TRDN: variants seen among roughly 807,000 people sequenced by gnomAD.
TRDN encodes triadin in skeletal muscle.
A neutral mutation model predicts 149.7 loss-of-function variants in TRDN; 161 were observed. The ratio of observed to expected loss-of-function variants is 1.08; its 90% confidence interval spans 0.95 to 1.23. The LOEUF is 1.23. TRDN is among the 50% of genes most tolerant of loss of function. TRDN has a pLI of 0.00. For synonymous variants in TRDN, 294 were observed against 250.5 expected, an observed-to-expected ratio of 1.17 and a Z score of -1.64; for missense variants, 896 against 823.5, an observed-to-expected ratio of 1.09 and a Z score of -1.08.
intron 3 of TRDN, among the ~76,000 whole-genome samples, chr6:123,547,840 A>G (rs959507779): frequency 6.6e-6 from 1 of 151,980 alleles, no homozygotes; most frequent in Non-Finnish European, 1.5e-5. Context: ...TACTCATTCA[A>G]TGGCAGCTTT....
intron 38 of TRDN, among the ~76,000 whole-genome samples, chr6:123,241,901 AC>A (rs1650505123): frequency 6.6e-6 from 1 of 152,272 alleles, no homozygotes; most frequent in Non-Finnish European, 1.5e-5. Context: ...GCAAAGTTAA[AC>A]CTCCGCATAC....
At chr6:123,585,654 G>A (rs999166386) in intron 1 of TRDN, among the ~76,000 whole-genome samples, 1 of 152,174 alleles carries the variant, frequency 6.6e-6, no homozygotes, top group Non-Finnish European at 1.5e-5. Context: ...TGGACAGTCC[G>A]ATTTCCAGTG....
chr6:123,218,753 G>T lies in TRDN; in HGVS notation c.2051-13C>A, dbSNP rs763319003. 6.5e-5 allele frequency: 101 copies of T among 1,556,588 alleles called. No homozygotes were observed. The highest frequency in any genetic ancestry group is 5.0e-4 in the Middle Eastern group (3 of 5,970). The stretch of plus-strand genomic sequence containing the variant: ...AAACTGATGGGACCTAAGGAACAGA[G>T]CATGACAGTTTGTTAAAACATGCAG... On this transcript the variant is annotated splice_polypyrimidine_tract_variant and intron_variant, in intron 40 of 40. Coordinates refer to ENST00000334268, the MANE Select transcript of TRDN (RefSeq NM_006073.4).
intron 5 of TRDN, among the ~76,000 whole-genome samples, chr6:123,521,206 GGTTGAATTGTGTCTCCCCAAAAATATAT>G (rs1447795180): frequency 4.6e-5 from 7 of 151,998 alleles, no homozygotes; most frequent in African/African-American, 1.7e-4. Context: ...TATTGTTATG[GGTTGAATTGTGTCTCCCCAAAAATATAT>G]GTTGAAGTCA....
At chr6:123,497,096 T>G (rs1305306192) in intron 9 of TRDN, 97 bp downstream of exon 9, 15 of 943,136 alleles carry the variant, frequency 1.6e-5, no homozygotes, top group Non-Finnish European at 2.3e-5. Flanking sequence ...ATTATGCAAT[T>G]TTTAAAAAAT....
rs199638054 is a variant in TRDN, at chr6:123,319,222, CT to C, written c.1472-2728del. On this transcript the variant is annotated intron_variant, in intron 23 of 40. Transcript: ENST00000334268. The stretch of plus-strand genomic sequence containing the variant: ...GCATGATCTTTCAAAGTAATTTTCT[CT>C]TTTTTTTTTAAACAGAATTGGGATT... 1.8e-3 allele frequency among the ~76,000 whole-genome samples: 265 copies of C among 148,352 alleles called. 1 individual carries two copies. Among genetic ancestry groups the C allele is most frequent in the African/African-American group, 5.9e-3 (241 of 40,512 alleles).
At chr6:123,548,646 G>C in intron 2 of TRDN, 34 bp from the exon 3 acceptor site, 1 of 1,289,972 alleles carries the variant, frequency 7.8e-7, no homozygotes, top group Non-Finnish European at 1.0e-6. Flanking sequence ...AAAAGAAAAA[G>C]TTTGTGATCA....
chr6:123,610,067 C>G (rs1459157347), intron 1 of TRDN, among the ~76,000 whole-genome samples: 2 of 152,082 alleles, frequency 1.3e-5, no homozygotes, highest in Non-Finnish European at 2.9e-5. Context: ...TCAAAAATAG[C>G]TTTAATTTTC....
intron 12 of TRDN, among the ~76,000 whole-genome samples, chr6:123,405,419 T>C (rs1317289109): frequency 6.6e-6 from 1 of 152,346 alleles, no homozygotes; most frequent in Admixed American, 6.5e-5. Flanking sequence ...AACTAACCCA[T>C]CTGAAGGCAG....
chr6:123,513,466 A>T (rs1274984707), intron 6 of TRDN, among the ~76,000 whole-genome samples: 1 of 152,056 alleles, frequency 6.6e-6, no homozygotes, highest in African/African-American at 2.4e-5. Flanking sequence ...ACATTTAGCT[A>T]CTGTAAAGTT....
intron 2 of TRDN, among the ~76,000 whole-genome samples, chr6:123,559,133 C>G (rs954930013): frequency 1.3e-5 from 2 of 152,366 alleles, no homozygotes; most frequent in African/African-American, 4.8e-5. Flanking sequence ...CCTCAAAAGG[C>G]TCCTGGACCA....
intron 40 of TRDN, among the ~76,000 whole-genome samples, 168 bp downstream of exon 40, chr6:123,221,319 T>C (rs1450833281): frequency 6.6e-6 from 1 of 151,830 alleles, no homozygotes; most frequent in Non-Finnish European, 1.5e-5. Flanking sequence ...ACAAAAGTGA[T>C]ACGCTTCTTT....
intron 13 of TRDN, 142 bp downstream of exon 13, chr6:123,393,482 G>C: frequency 4.1e-6 from 3 of 739,198 alleles, no homozygotes; most frequent in Non-Finnish European, 6.4e-6. Context: ...TACTTGAACT[G>C]TGTATTTTCA....
intron 24 of TRDN, among the ~76,000 whole-genome samples, chr6:123,288,583 C>A (rs1348644970): frequency 1.3e-5 from 2 of 152,032 alleles, no homozygotes; most frequent in Non-Finnish European, 2.9e-5. Context: ...TGAACAGACA[C>A]TTCTCAAAAG....
At position 123,337,590 on chromosome 6, in the gene TRDN, G is replaced by T. The variant is rs1779920090; in HGVS notation, c.1420+29C>A. The T allele has an allele frequency of 6.3e-6, 7 of 1,113,402 alleles. No individual in the cohort carries two copies. The South Asian group carries it at 1.2e-4, about 20-fold the overall frequency. 69.0% of individuals were successfully genotyped at this position (1,113,402 alleles called of 1,614,324 possible). A position where few individuals can be genotyped will look rare whatever the true frequency, so the allele number is the denominator to read the frequency against. On this transcript the variant is annotated intron_variant, in intron 22 of 40. Coordinates refer to ENST00000334268, the MANE Select transcript of TRDN (RefSeq NM_006073.4). The stretch of plus-strand genomic sequence containing the variant: ...ATAATATATATTTCCTAATAAATTT[G>T]TAATATTATATTAAATTAACTCTGT...
At chr6:123,419,851 T>C (rs10499122) in intron 12 of TRDN, among the ~76,000 whole-genome samples, 52,499 of 152,060 alleles carry the variant, frequency 0.35, 9,438 homozygotes, top group African/African-American at 0.42. Flanking sequence ...ACAATCGTTT[T>C]AGAATCAGAG....
chr6:123,627,760 T>C (rs1365717951), intron 1 of TRDN, among the ~76,000 whole-genome samples: 1 of 152,236 alleles, frequency 6.6e-6, no homozygotes. Context: ...CCTTCATCAA[T>C]GATCTTAGCT....
chr6:123,222,316 T>C (rs1775179272), intron 39 of TRDN, among the ~76,000 whole-genome samples: 1 of 151,646 alleles, frequency 6.6e-6, no homozygotes, highest in South Asian at 2.1e-4. Context: ...GTGTAATCTA[T>C]ATACCACTAG....
chr6:123,467,894 G>A (rs1424240887), intron 9 of TRDN, among the ~76,000 whole-genome samples: 2 of 152,170 alleles, frequency 1.3e-5, no homozygotes, highest in Non-Finnish European at 2.9e-5. Context: ...GAGTCACATG[G>A]GTATTAAGCG....
Sources: allele counts gnomAD v4.1 joint callset (sites outside exome capture counted in the v4.1 genomes callset), GRCh38; gene constraint gnomAD v4.1.1; transcripts MANE v1.5; gene names NCBI Gene and HGNC (gene_info 2026-07-23, HGNC 2026-07-21).